Variants in CPA6 observed in about 807,000 individuals in gnomAD.
The protein encoded by CPA6 is carboxypeptidase A6.
In CPA6, 58 loss-of-function variants were observed where a neutral mutation model predicts 63.3. The ratio of observed to expected loss-of-function variants is 0.92; its 90% CI spans 0.74 to 1.14. CPA6 has a LOEUF of 1.14. Ranked by LOEUF, CPA6 falls within the 50% of genes most tolerant of loss-of-function variation. CPA6 has a pLI of 0.00. For missense variants in CPA6, 565 were observed against 526.6 expected (o/e 1.07, Z -0.71); for synonymous variants, 185 against 179.0 (o/e 1.03, Z -0.27).
intron 1 of CPA6, among the ~76,000 whole-genome samples, chr8:67,711,764 A>G (rs147715642): frequency 3.7e-4 from 56 of 151,874 alleles, no homozygotes; most frequent in African/African-American, 1.2e-3. Context: ...ATATGAGAGG[A>G]TTCAGGATAA....
At chr8:67,559,211 T>C (rs765367833) in intron 2 of CPA6, among the ~76,000 whole-genome samples, 1 of 152,332 alleles carries the variant, frequency 6.6e-6, no homozygotes, top group Non-Finnish European at 1.5e-5. Flanking sequence ...TATTTGTTTC[T>C]AAACCATTTA....
At chr8:67,683,736 C>G (rs1056768984) in intron 1 of CPA6, among the ~76,000 whole-genome samples, 1 of 152,068 alleles carries the variant, frequency 6.6e-6, no homozygotes, top group Non-Finnish European at 1.5e-5. Flanking sequence ...CTCTACAGAT[C>G]CTATAACACT....
At chr8:67,522,138 G>C (rs1812270316) in intron 2 of CPA6, among the ~76,000 whole-genome samples, 1 of 152,060 alleles carries the variant, frequency 6.6e-6, no homozygotes, top group African/African-American at 2.4e-5. Flanking sequence ...GAACTTCCTT[G>C]ATGCCTTTTA....
At chr8:67,654,460 G>GT (rs1169998388) in intron 1 of CPA6, among the ~76,000 whole-genome samples, 1 of 152,086 alleles carries the variant, frequency 6.6e-6, no homozygotes, top group Non-Finnish European at 1.5e-5. Context: ...CTTCTTCCTG[G>GT]TTTAGTCTTG....
intron 1 of CPA6, among the ~76,000 whole-genome samples, chr8:67,742,941 C>T (rs1269225267): frequency 6.6e-6 from 1 of 152,122 alleles, no homozygotes; most frequent in Non-Finnish European, 1.5e-5. Context: ...AAAATCTACC[C>T]TAATTTTCTG....
intron 1 of CPA6, among the ~76,000 whole-genome samples, chr8:67,666,049 T>C (rs556593566): frequency 2.0e-5 from 3 of 152,328 alleles, no homozygotes; most frequent in African/African-American, 7.2e-5. Flanking sequence ...TTCAGAACTA[T>C]GGAACTACTT....
intron 6 of CPA6, among the ~76,000 whole-genome samples, chr8:67,486,068 T>A (rs144088853): frequency 6.6e-6 from 1 of 152,252 alleles, no homozygotes; most frequent in Non-Finnish European, 1.5e-5. Flanking sequence ...AGGTTGTTTT[T>A]GTCACTAATG....
At chr8:67,583,879 C>T (rs957383092) in intron 2 of CPA6, among the ~76,000 whole-genome samples, 1 of 152,092 alleles carries the variant, frequency 6.6e-6, no homozygotes, top group Non-Finnish European at 1.5e-5. Context: ...GGCTCATGGC[C>T]AGGCACAGTG....
At chr8:67,730,381 C>T (rs1424524696) in intron 1 of CPA6, among the ~76,000 whole-genome samples, 2 of 152,220 alleles carry the variant, frequency 1.3e-5, no homozygotes, top group Admixed American at 6.5e-5. Context: ...AACTTCCAGA[C>T]CCTCTGTGGG....
At chr8:67,595,436 C>G (rs1174779558) in intron 2 of CPA6, among the ~76,000 whole-genome samples, 1 of 152,242 alleles carries the variant, frequency 6.6e-6, no homozygotes, top group Non-Finnish European at 1.5e-5. Context: ...ACATTTTAGT[C>G]TGCAGAGGTT....
At chr8:67,588,141 G>A (rs1813998022) in intron 2 of CPA6, among the ~76,000 whole-genome samples, 1 of 152,186 alleles carries the variant, frequency 6.6e-6, no homozygotes, top group South Asian at 2.1e-4. Flanking sequence ...AATGAATGGT[G>A]TGGAAGCCTG....
chr8:67,603,512 G>A (rs1475209415), intron 2 of CPA6, among the ~76,000 whole-genome samples: 1 of 152,202 alleles, frequency 6.6e-6, no homozygotes, highest in East Asian at 1.9e-4. Context: ...AAATGGCTAA[G>A]TGGAACTCAT....
intron 1 of CPA6, among the ~76,000 whole-genome samples, chr8:67,631,642 G>A (rs1587652826): frequency 6.6e-6 from 1 of 152,344 alleles, no homozygotes; most frequent in South Asian, 2.1e-4. Flanking sequence ...CTGTGAGCCA[G>A]CAGCGGCAAC....
At position 67,712,022 on chromosome 8, in the gene CPA6, C is replaced by T. The variant is rs577658379; in HGVS notation, c.116+33992G>A. On this transcript the variant is annotated intron_variant, in intron 1 of 10. Transcript: ENST00000297770. Reference sequence around the variant, plus strand: ...TACCCCTCCTATCTGCCCCCTCCCGCTATCTCCCTCAAGAGTCCATTTGGC... The same window carrying T: ...TACCCCTCCTATCTGCCCCCTCCCGTTATCTCCCTCAAGAGTCCATTTGGC... Among the ~76,000 whole-genome samples the T allele has an allele frequency of 1.4e-4, 21 of 152,290 alleles. 2 individuals carry two copies. In the South Asian group the frequency reaches 4.1e-3, roughly 30 times the overall value.
At chr8:67,734,571 CT>C (rs555966942) in intron 1 of CPA6, among the ~76,000 whole-genome samples, 1 of 152,130 alleles carries the variant, frequency 6.6e-6, no homozygotes, top group Non-Finnish European at 1.5e-5. Context: ...CATATGTATC[CT>C]TTTTTCTGCC....
intron 2 of CPA6, among the ~76,000 whole-genome samples, chr8:67,524,262 T>A (rs1812317220): frequency 6.6e-6 from 1 of 152,194 alleles, no homozygotes; most frequent in Admixed American, 6.5e-5. Flanking sequence ...TCCATAACTT[T>A]TAATTATGTC....
chr8:67,629,187 G>A lies in CPA6; in HGVS notation c.117-4936C>T, dbSNP rs374910808. On this transcript the variant is annotated intron_variant, in intron 1 of 10. Coordinates refer to ENST00000297770, the MANE Select transcript of CPA6 (RefSeq NM_020361.5). The stretch of plus-strand genomic sequence containing the variant: ...CCAAATTTCTAAATAAAGACCCATA[G>A]CTGGGTGTGGTGACTCATACCTGCA... Among the ~76,000 whole-genome samples, 46 of 152,080 alleles carry A rather than the reference G, an allele frequency of 3.0e-4. No individual in the cohort carries two copies. In the East Asian group the frequency reaches 3.1e-3, roughly 10 times the overall value.
At chr8:67,698,269 C>T (rs930312978) in intron 1 of CPA6, among the ~76,000 whole-genome samples, 6 of 152,130 alleles carry the variant, frequency 3.9e-5, no homozygotes, top group African/African-American at 1.4e-4. Context: ...ATGCTGATTT[C>T]GAGGGCTCTC....
chr8:67,426,122 C>G (rs1340480011), intron 10 of CPA6, among the ~76,000 whole-genome samples: 1 of 152,138 alleles, frequency 6.6e-6, no homozygotes, highest in African/African-American at 2.4e-5. Flanking sequence ...GTGCATGCCA[C>G]TATGCCCAGC....
Sources: allele counts gnomAD v4.1 joint callset (sites outside exome capture counted in the v4.1 genomes callset), GRCh38; gene constraint gnomAD v4.1.1; transcripts MANE v1.5; gene names NCBI Gene and HGNC (gene_info 2026-07-23, HGNC 2026-07-21).